Variants in ZNF157 observed in about 807,000 individuals in gnomAD.
The protein encoded by ZNF157 is zinc finger protein 157.
In ZNF157, 8 loss-of-function variants were observed where a neutral mutation model predicts 9.4. The observed-to-expected ratio is 0.85, with a 90% CI of 0.50 to 1.53. ZNF157 has a LOEUF of 1.53. Among genes scored for constraint, ZNF157 ranks in the 40% most tolerant of loss-of-function variants. ZNF157 has a pLI of 0.00. For missense variants in ZNF157, 316 were observed against 385.2 expected, an observed-to-expected ratio of 0.82 and a Z score of 1.50; for synonymous variants, 120 against 130.8, an observed-to-expected ratio of 0.92 and a Z score of 0.56.
intron 1 of ZNF157, among the ~76,000 whole-genome samples, chrX:47,378,591 C>T (rs1317332413): frequency 8.9e-6 from 1 of 111,768 alleles, no homozygotes; most frequent in Non-Finnish European, 1.9e-5. Flanking sequence ...GCCTGTAATC[C>T]CAGCACTTAG....
chrX:47,386,209 A>G (rs1240194850), intron 1 of ZNF157, among the ~76,000 whole-genome samples: 1 of 111,321 alleles, frequency 9.0e-6, no homozygotes, highest in Non-Finnish European at 1.9e-5. Context: ...ATACAGAGAG[A>G]TCGTATGTGC....
At chrX:47,399,721 C>T (rs1569259636) in intron 1 of ZNF157, among the ~76,000 whole-genome samples, 1 of 111,452 alleles carries the variant, frequency 9.0e-6, no homozygotes, top group Non-Finnish European at 1.9e-5. Context: ...GGTCTGTTGC[C>T]CAGGCTGCAG....
chrX:47,388,239 A>G, intron 1 of ZNF157, among the ~76,000 whole-genome samples: 1 of 109,604 alleles, frequency 9.1e-6, no homozygotes, highest in Non-Finnish European at 1.9e-5. Context: ...GGTGCTTGTC[A>G]TCACGCCCAG....
chrX:47,374,751 C>T (rs1206799348), intron 1 of ZNF157, among the ~76,000 whole-genome samples: 2 of 96,473 alleles, frequency 2.1e-5, no homozygotes, highest in African/African-American at 7.8e-5. Flanking sequence ...ATCTGTCACC[C>T]AGGCTGGAGT....
At chrX:47,402,827 C>T (rs750542674) in intron 1 of ZNF157, among the ~76,000 whole-genome samples, 24 of 109,285 alleles carry the variant, frequency 2.2e-4, no homozygotes, top group African/African-American at 7.0e-4. Context: ...CAGGCGTGAG[C>T]CACCGTGCCC....
At chrX:47,389,503 G>A (rs1175900931) in intron 1 of ZNF157, among the ~76,000 whole-genome samples, 3 of 111,201 alleles carry the variant, frequency 2.7e-5, no homozygotes, top group Non-Finnish European at 3.8e-5. Context: ...GGCGCACGTC[G>A]CCATGCCTGG....
chrX:47,399,028 A>G (rs1321302754), intron 1 of ZNF157, among the ~76,000 whole-genome samples: 1 of 110,718 alleles, frequency 9.0e-6, no homozygotes, highest in Non-Finnish European at 1.9e-5. Flanking sequence ...TCTCGAACTC[A>G]TGAGCTCAGG....
Position 47,413,028 on chromosome X carries a change from C to T in ZNF157, c.955C>T (p.Gln319Ter). The change falls in exon 4 of 4, where the codon CAG (glutamine) becomes TAG (stop). Residue 319 changes from glutamine (Q) to a stop codon, truncating the protein, a stop_gained. Coordinates refer to ENST00000377073, the MANE Select transcript of ZNF157 (RefSeq NM_003446.4). LOFTEE classifies it low-confidence loss of function (END_TRUNC). The part of the protein sequence containing the change: ...KNFRAKKSLN[Q>*]HQRIHTGEKP... ...CTTCCGTGCAAAGAAATCCCTAAATCAGCATCAAAGAATTCACACAGGTGA... is the reference window on the plus strand; with the variant it reads ...CTTCCGTGCAAAGAAATCCCTAAATTAGCATCAAAGAATTCACACAGGTGA... 8.3e-7 allele frequency: 1 copy of T among 1,210,127 alleles called. No homozygotes were observed. The highest frequency in any genetic ancestry group is 1.1e-6 in the Non-Finnish European group (1 of 894,657).
rs1042529103 is a variant in ZNF157 at position 47,413,333 on chromosome X, G to A, written c.1260G>A (p.Gly420=). ...AACCCTACGAATGTAGTGAATGTGG[G>A]AAAATCTTCAGTATGAAGAAATCCC... ...GEKPYECSEC[G]KIFSMKKSLC... is the part of the protein sequence containing the mutation. Residue 420 remains glycine, a synonymous_variant, in exon 4 of 4, where the codon GGG becomes GGA. Transcript: ENST00000377073. 2 of 1,211,608 alleles carry A rather than the reference G, an allele frequency of 1.7e-6. No individual in the cohort carries two copies. The highest frequency in any genetic ancestry group is 2.2e-5 in the Admixed American group (1 of 45,993).
chrX:47,374,356 A>G (rs1258083588), intron 1 of ZNF157, among the ~76,000 whole-genome samples: 10 of 107,341 alleles, frequency 9.3e-5, no homozygotes, highest in Non-Finnish European at 1.9e-4. Context: ...CAATTGTGGG[A>G]TTGTATGCCA....
chrX:47,383,400 A>C (rs1602761767), intron 1 of ZNF157, among the ~76,000 whole-genome samples: 3 of 96,762 alleles, frequency 3.1e-5, no homozygotes, highest in African/African-American at 1.2e-4. Context: ...AAAAAAAAAG[A>C]AATGGGATGG....
At chrX:47,409,058 T>C (rs1192499059) in intron 1 of ZNF157, among the ~76,000 whole-genome samples, 1 of 112,081 alleles carries the variant, frequency 8.9e-6, no homozygotes, top group Non-Finnish European at 1.9e-5. Context: ...TTTATTCTGG[T>C]GGTTTCAGCT....
intron 1 of ZNF157, among the ~76,000 whole-genome samples, chrX:47,404,043 G>A (rs745675881): frequency 9.1e-6 from 1 of 110,174 alleles, no homozygotes; most frequent in Non-Finnish European, 1.9e-5. Flanking sequence ...GGTGGTAAGC[G>A]CCTGTAATCC....
intron 1 of ZNF157, among the ~76,000 whole-genome samples, chrX:47,401,512 G>A (rs1443246073): frequency 8.9e-6 from 1 of 112,024 alleles, no homozygotes; most frequent in African/African-American, 3.2e-5. Context: ...TCCTGCAAAT[G>A]ACAAGTAACC....
intron 1 of ZNF157, among the ~76,000 whole-genome samples, chrX:47,402,771 T>C (rs1295805821): frequency 1.8e-5 from 2 of 108,429 alleles, no homozygotes; most frequent in African/African-American, 6.7e-5. Context: ...CTCCATCTCC[T>C]GACCTTGTGA....
intron 1 of ZNF157, among the ~76,000 whole-genome samples, chrX:47,402,264 C>T (rs2055932521): frequency 9.0e-6 from 1 of 110,920 alleles, no homozygotes; most frequent in South Asian, 3.8e-4. Context: ...TCTTTGTGCC[C>T]TAGTATTTGA....
chrX:47,410,152 C>T, intron 1 of ZNF157, 124 bp from the exon 2 acceptor site: 1 of 986,169 alleles, frequency 1.0e-6, no homozygotes, highest in Admixed American at 2.3e-5. Context: ...TCAAGCGAGA[C>T]ACAAAATCAG....
At chrX:47,396,476 T>A (rs2055913678) in intron 1 of ZNF157, among the ~76,000 whole-genome samples, 1 of 109,981 alleles carries the variant, frequency 9.1e-6, no homozygotes, top group Non-Finnish European at 1.9e-5. Context: ...GAGGCGGAGG[T>A]TGCAGTGAGC....
chrX:47,412,437 C>A lies in ZNF157; in HGVS notation c.364C>A (p.Leu122Ile), dbSNP rs143556401. 1 of 1,210,380 alleles carries A rather than the reference C, an allele frequency of 8.3e-7. No individual in the cohort carries two copies. The highest frequency in any genetic ancestry group is 1.7e-5 in the African/African-American group (1 of 57,443). ...DNALRHDNDL[L>I]HHQKIQTLDQ... is the part of the protein sequence containing the mutation. The stretch of plus-strand genomic sequence containing the variant: ...TGCCCTCAGGCATGATAATGACCTT[C>A]TTCACCATCAGAAGATTCAAACATT... Residue 122 changes from leucine to isoleucine, a missense_variant, in exon 4 of 4, where the codon CTT (leucine) becomes ATT (isoleucine). Leu to Ile is a conservative substitution (Grantham distance 5, BLOSUM62 2). Coordinates refer to ENST00000377073, the MANE Select transcript of ZNF157 (RefSeq NM_003446.4).
Sources: allele counts gnomAD v4.1 joint callset (sites outside exome capture counted in the v4.1 genomes callset), GRCh38; gene constraint gnomAD v4.1.1; transcripts MANE v1.5; gene names NCBI Gene and HGNC (gene_info 2026-07-23, HGNC 2026-07-21).